The following SCLT1 variants were observed in gnomAD, a reference collection of about 807,000 sequenced individuals.
The protein encoded by SCLT1 is sodium channel and clathrin linker 1.
Under a neutral mutation model 112.8 loss-of-function variants are expected in SCLT1, and 78 were observed. That is an observed-to-expected ratio of 0.69 (90% CI 0.58 to 0.83). SCLT1 has a LOEUF of 0.83. Ranked by LOEUF, SCLT1 falls within the 40% of genes least tolerant of loss-of-function variation. The probability of loss-of-function intolerance (pLI) is 0.00; values close to 1 mark genes in which losing one functional copy is unlikely to be tolerated. For missense variants in SCLT1, 747 were observed against 770.4 expected (o/e 0.97, Z 0.36); for synonymous variants, 257 against 254.7 (o/e 1.01, Z -0.09).
intron 2 of SCLT1, among the ~76,000 whole-genome samples, chr4:129,078,958 T>C (rs1751698509): frequency 1.3e-5 from 2 of 152,038 alleles, no homozygotes; most frequent in South Asian, 2.1e-4. Context: ...CTTACATGAC[T>C]GGAGCAGGAG....
intron 18 of SCLT1, among the ~76,000 whole-genome samples, chr4:128,911,296 TAAC>T (rs142306512): frequency 4.6e-5 from 7 of 152,180 alleles, no homozygotes; most frequent in Non-Finnish European, 8.8e-5. Context: ...GTAAATAAAA[TAAC>T]AACAATCTCT....
chr4:128,989,817 G>A (rs1742407646), intron 9 of SCLT1, among the ~76,000 whole-genome samples: 1 of 151,596 alleles, frequency 6.6e-6, no homozygotes, highest in African/African-American at 2.4e-5. Context: ...AAACTATTAT[G>A]AGCAACTATA....
chr4:129,017,497 T>G (rs1030404584), intron 5 of SCLT1, among the ~76,000 whole-genome samples: 1 of 152,108 alleles, frequency 6.6e-6, no homozygotes, highest in Non-Finnish European at 1.5e-5. Flanking sequence ...ATTAAGAAAA[T>G]CAGTTAAGTA....
chr4:128,882,575 T>G (rs1732665511), downstream of SCLT1, among the ~76,000 whole-genome samples: 1 of 152,182 alleles, frequency 6.6e-6, no homozygotes, highest in African/African-American at 2.4e-5. Context: ...AAGGAGTTAT[T>G]GAATACCCTC....
chr4:128,897,519 G>A (rs577903846), intron 18 of SCLT1, among the ~76,000 whole-genome samples: 37 of 147,398 alleles, frequency 2.5e-4, no homozygotes, highest in Non-Finnish European at 4.8e-4. Context: ...GCTCCTGAAG[G>A]AAGCACTAAA....
intron 18 of SCLT1, among the ~76,000 whole-genome samples, chr4:128,934,318 AC>A (rs1354356397): frequency 6.6e-6 from 1 of 151,392 alleles, no homozygotes; most frequent in African/African-American, 2.4e-5. Context: ...TGCACTCCTC[AC>A]TCTTAGATAA....
rs73847331 is a variant in SCLT1, at chr4:128,979,882, G to T, written c.687-9414C>A. On this transcript the variant is annotated intron_variant, in intron 9 of 20. Transcript: ENST00000281142. Reference sequence around the variant, plus strand: ...TTAATACTAATTAACTGTGGCTAAGGTTCCACTCTTGACCAGTGTGTTCTA... The same window carrying T: ...TTAATACTAATTAACTGTGGCTAAGTTTCCACTCTTGACCAGTGTGTTCTA... Among the ~76,000 whole-genome samples, 573 of 152,240 alleles carry T rather than the reference G, an allele frequency of 3.8e-3. 1 individual carries two copies. Among genetic ancestry groups the T allele is most frequent in the African/African-American group, 0.011 (474 of 41,556 alleles).
At chr4:129,068,280 C>T (rs1215153976) in intron 2 of SCLT1, among the ~76,000 whole-genome samples, 1 of 152,062 alleles carries the variant, frequency 6.6e-6, no homozygotes, top group African/African-American at 2.4e-5. Context: ...ACTTTTAGTT[C>T]TTTAAGGAAT....
rs140525856 is a variant in SCLT1, at chr4:128,907,289, C to T, written c.1830-16152G>A. Among the ~76,000 whole-genome samples the T allele has an allele frequency of 3.7e-4, 57 of 152,208 alleles. 1 individual carries two copies. In the East Asian group the frequency reaches 0.01, roughly 27 times the overall value. ...CATCAGGAAATCTTGCTGACTGTAG[C>T]AGGAAAAATAGTAAGGATATTAATC... On this transcript the variant is annotated intron_variant, in intron 18 of 20. Transcript: ENST00000281142.
chr4:129,013,215 C>G (rs1744694526), intron 5 of SCLT1, among the ~76,000 whole-genome samples: 1 of 152,116 alleles, frequency 6.6e-6, no homozygotes, highest in Non-Finnish European at 1.5e-5. Context: ...CCATTTAGCT[C>G]CCACTTATAA....
At chr4:129,019,998 G>C (rs192753748) in intron 5 of SCLT1, among the ~76,000 whole-genome samples, 1 of 152,008 alleles carries the variant, frequency 6.6e-6, no homozygotes, top group African/African-American at 2.4e-5. Flanking sequence ...GCAGGAAAAC[G>C]TCAATTCCTT....
chr4:129,025,379 A>G (rs2126131548), intron 5 of SCLT1, among the ~76,000 whole-genome samples: 1 of 152,346 alleles, frequency 6.6e-6, no homozygotes, highest in South Asian at 2.1e-4. Flanking sequence ...GCCAGAAGAG[A>G]GTGGGGGCCA....
intron 18 of SCLT1, among the ~76,000 whole-genome samples, chr4:128,912,030 G>A (rs996623412): frequency 6.6e-6 from 1 of 152,146 alleles, no homozygotes; most frequent in Non-Finnish European, 1.5e-5. Context: ...AGGATGCTGA[G>A]CCCTAACCTG....
intron 9 of SCLT1, among the ~76,000 whole-genome samples, chr4:128,974,773 T>C (rs1740998540): frequency 6.6e-6 from 1 of 152,146 alleles, no homozygotes; most frequent in East Asian, 1.9e-4. Context: ...GCAAATGTTT[T>C]AGATATATGT....
chr4:129,054,457 C>T (rs1749159303), intron 2 of SCLT1, among the ~76,000 whole-genome samples: 1 of 152,084 alleles, frequency 6.6e-6, no homozygotes, highest in African/African-American at 2.4e-5. Context: ...GCTTTTCATT[C>T]TGTTTTCTCT....
intron 18 of SCLT1, among the ~76,000 whole-genome samples, chr4:128,892,046 T>A (rs1733369512): frequency 6.6e-6 from 1 of 152,190 alleles, no homozygotes; most frequent in Non-Finnish European, 1.5e-5. Flanking sequence ...TTCAGTGCAG[T>A]ATAGTTAGAA....
chr4:129,076,407 T>C (rs980021314), intron 2 of SCLT1, among the ~76,000 whole-genome samples: 1 of 152,142 alleles, frequency 6.6e-6, no homozygotes, highest in African/African-American at 2.4e-5. Flanking sequence ...ATGTATCTCC[T>C]TTTTTCCCCC....
At chr4:129,082,395 A>C (rs748689752) in intron 1 of SCLT1, 22 bp from the exon 2 acceptor site, 1 of 1,467,122 alleles carries the variant, frequency 6.8e-7, no homozygotes, top group East Asian at 2.3e-5. Context: ...GGGAAAACAG[A>C]TTTCAGTTCA....
At chr4:128,879,309 G>C (rs1732590794), downstream of SCLT1, among the ~76,000 whole-genome samples, 1 of 152,144 alleles carries the variant, frequency 6.6e-6, no homozygotes, top group African/African-American at 2.4e-5. Context: ...AATGTGTGAA[G>C]CATTTACATG....
Sources: gnomAD v4.1 joint callset for allele counts (sites outside exome capture counted in the v4.1 genomes callset) on GRCh38, gnomAD v4.1.1 for gene constraint, MANE v1.5 for transcripts, NCBI Gene and HGNC (gene_info 2026-07-23, HGNC 2026-07-21) for gene names.